The following CNTNAP5 variants were observed in gnomAD, a reference collection of about 807,000 sequenced individuals.
CNTNAP5 encodes the protein contactin-associated protein-like 5.
In CNTNAP5, 72 loss-of-function variants were observed where a neutral mutation model predicts 150.2. That is an observed-to-expected ratio of 0.48 (90% CI 0.40 to 0.58). The LOEUF is 0.58. Among genes scored for constraint, CNTNAP5 ranks in the 20% least tolerant of loss-of-function variants. The probability of loss-of-function intolerance (pLI) is 0.00; values close to 1 mark genes in which losing one functional copy is unlikely to be tolerated. For missense variants in CNTNAP5, 1,636 were observed against 1,626.2 expected (o/e 1.01, Z -0.10); for synonymous variants, 672 against 619.8 (o/e 1.08, Z -1.25).
intron 1 of CNTNAP5, among the ~76,000 whole-genome samples, chr2:124,069,063 T>C (rs1682235129): frequency 6.6e-6 from 1 of 152,026 alleles, no homozygotes; most frequent in Non-Finnish European, 1.5e-5. Flanking sequence ...AGGCCTAGGC[T>C]CTTGGATAAC....
chr2:124,221,643 T>C, intron 1 of CNTNAP5, 62 bp from the exon 2 acceptor site: 2 of 1,069,864 alleles, frequency 1.9e-6, no homozygotes, highest in South Asian at 2.7e-5. Flanking sequence ...ACTTCTCTTC[T>C]TATGGAATGT....
intron 19 of CNTNAP5, among the ~76,000 whole-genome samples, chr2:124,859,963 A>T (rs1046726291): frequency 2.6e-5 from 4 of 152,066 alleles, no homozygotes; most frequent in African/African-American, 9.7e-5. Flanking sequence ...AATGTAAATG[A>T]TGAGTTAATG....
intron 18 of CNTNAP5, 43 bp from the exon 19 acceptor site, chr2:124,798,053 T>G (rs922008096): frequency 6.9e-7 from 1 of 1,453,308 alleles, no homozygotes; most frequent in Non-Finnish European, 9.5e-7. Context: ...GAACAATGGA[T>G]CTAAAGGTTT....
chr2:124,659,213 C>G (rs1421858159), intron 13 of CNTNAP5, among the ~76,000 whole-genome samples: 2 of 152,114 alleles, frequency 1.3e-5, no homozygotes, highest in African/African-American at 4.8e-5. Flanking sequence ...ACAGGGGTGC[C>G]TTTCTGAACA....
intron 1 of CNTNAP5, among the ~76,000 whole-genome samples, chr2:124,071,866 C>T (rs1000917099): frequency 6.6e-6 from 1 of 151,754 alleles, no homozygotes; most frequent in Non-Finnish European, 1.5e-5. Context: ...CAAATTAATT[C>T]TAAGAGGCCA....
At chr2:124,508,012 G>A (rs566096701) in intron 8 of CNTNAP5, among the ~76,000 whole-genome samples, 1 of 152,196 alleles carries the variant, frequency 6.6e-6, no homozygotes, top group Non-Finnish European at 1.5e-5. Flanking sequence ...CCAAATGGAG[G>A]GGATGACATC....
At chr2:124,215,712 C>CAAA (rs397985759) in intron 1 of CNTNAP5, among the ~76,000 whole-genome samples, 518 of 80,700 alleles carry the variant, frequency 6.4e-3, no homozygotes, top group Middle Eastern at 0.029. Flanking sequence ...AGAAGAAAGG[C>CAAA]AAAAAAAAAA....
At chr2:124,783,808 G>A (rs891238225) in intron 17 of CNTNAP5, among the ~76,000 whole-genome samples, 1 of 152,056 alleles carries the variant, frequency 6.6e-6, no homozygotes, top group African/African-American at 2.4e-5. Context: ...AATACTACCA[G>A]TATTATTAAA....
At chr2:124,358,000 T>G (rs1378455683) in intron 3 of CNTNAP5, among the ~76,000 whole-genome samples, 4 of 150,288 alleles carry the variant, frequency 2.7e-5, no homozygotes, top group Non-Finnish European at 4.5e-5. Flanking sequence ...TGGTTTGTAG[T>G]TCTCCTTGAA....
At position 124,706,878 on chromosome 2, in the gene CNTNAP5, A is replaced by AG. The variant is rs1679665986; in HGVS notation, c.2078-40350dup. Reference sequence around the variant, plus strand: ...GAGGAGAAGGAGAAGGGGAAAGGGAAGAAGAAGAGGAAGAGGAAGAAGAAG... The same window carrying AG: ...GAGGAGAAGGAGAAGGGGAAAGGGAAGGAAGAAGAGGAAGAGGAAGAAGAAG... On this transcript the variant is annotated intron_variant, in intron 13 of 23. Transcript: ENST00000682447. 1.8e-5 allele frequency among the ~76,000 whole-genome samples: 2 copies of AG among 111,404 alleles called. 1 individual carries two copies. The highest frequency in any genetic ancestry group is 3.6e-5 in the Non-Finnish European group (2 of 55,632). 73.1% of individuals were successfully genotyped at this position (111,404 alleles called of 152,430 possible).
intron 19 of CNTNAP5, among the ~76,000 whole-genome samples, chr2:124,806,569 C>T (rs1055639026): frequency 4.6e-5 from 7 of 152,118 alleles, no homozygotes; most frequent in Non-Finnish European, 1.0e-4. Flanking sequence ...CCAGTTTAAA[C>T]GACTCTTCAG....
At chr2:124,781,487 G>A (rs1020070682) in intron 17 of CNTNAP5, among the ~76,000 whole-genome samples, 57 of 152,140 alleles carry the variant, frequency 3.7e-4, no homozygotes, top group African/African-American at 1.3e-3. Context: ...CCCTTGGAAG[G>A]CAGCCTGAGA....
chr2:124,723,449 T>A (rs186759003), intron 13 of CNTNAP5, among the ~76,000 whole-genome samples: 34 of 152,302 alleles, frequency 2.2e-4, no homozygotes, highest in African/African-American at 8.2e-4. Context: ...CTTTCTAACA[T>A]GTATTTCAAA....
At chr2:124,592,365 GTA>G (rs765159762) in intron 11 of CNTNAP5, among the ~76,000 whole-genome samples, 11 of 122,008 alleles carry the variant, frequency 9.0e-5, no homozygotes, top group African/African-American at 2.7e-4. Context: ...GTATACGTGT[GTA>G]TATATATATG....
intron 4 of CNTNAP5, 87 bp downstream of exon 4, chr2:124,417,677 A>G: frequency 2.4e-6 from 3 of 1,272,620 alleles, no homozygotes; most frequent in South Asian, 1.5e-5. Context: ...GAGATTGACA[A>G]TCATCTTATT....
At chr2:124,592,046 TG>T (rs1161681010) in intron 11 of CNTNAP5, among the ~76,000 whole-genome samples, 1 of 152,180 alleles carries the variant, frequency 6.6e-6, no homozygotes, top group Non-Finnish European at 1.5e-5. Flanking sequence ...GTGTTACGTG[TG>T]GGGATGCTTC....
intron 1 of CNTNAP5, among the ~76,000 whole-genome samples, chr2:124,058,625 T>A (rs1451195086): frequency 2.6e-5 from 4 of 152,182 alleles, no homozygotes; most frequent in Non-Finnish European, 4.4e-5. Flanking sequence ...AAATGTTTGG[T>A]AATTTGCCTG....
chr2:124,400,127 A>G (rs1364800260), intron 3 of CNTNAP5, among the ~76,000 whole-genome samples: 1 of 151,264 alleles, frequency 6.6e-6, no homozygotes, highest in African/African-American at 2.4e-5. Context: ...AAAAAAAAAA[A>G]ATAGGGAAAC....
intron 5 of CNTNAP5, among the ~76,000 whole-genome samples, chr2:124,437,795 G>A (rs1365732823): frequency 6.6e-6 from 1 of 152,136 alleles, no homozygotes; most frequent in Admixed American, 6.5e-5. Context: ...GAGAGACAGA[G>A]AGAAAGAGAG....
Sources: gnomAD v4.1 joint callset for allele counts (sites outside exome capture counted in the v4.1 genomes callset) on GRCh38, gnomAD v4.1.1 for gene constraint, MANE v1.5 for transcripts, NCBI Gene and HGNC (gene_info 2026-07-23, HGNC 2026-07-21) for gene names.